The following ATXN3 variants were observed in gnomAD, a reference collection of about 807,000 sequenced individuals.
ATXN3 encodes the protein ataxin 3.
A neutral mutation model predicts 58.2 loss-of-function variants in ATXN3; 28 were observed. That is an observed-to-expected ratio of 0.48 (90% confidence interval 0.36 to 0.66). ATXN3 has a LOEUF of 0.66. ATXN3 is among the 30% of genes least tolerant of loss of function. The pLI, the probability that ATXN3 is intolerant of heterozygous loss-of-function variation, is 0.00. For synonymous variants in ATXN3, 113 were observed against 138.5 expected, an observed-to-expected ratio of 0.82 and a Z score of 1.29; for missense variants, 321 against 422.1, an observed-to-expected ratio of 0.76 and a Z score of 2.10.
chr14:92,045,739 T>C (rs1415600513), intron 2 of ATXN3, among the ~76,000 whole-genome samples: 3 of 152,158 alleles, frequency 2.0e-5, no homozygotes, highest in Non-Finnish European at 4.4e-5. Flanking sequence ...CAGAATAGAA[T>C]GGGCCTGTGA....
At chr14:92,049,375 G>C (rs866879663) in intron 1 of ATXN3, among the ~76,000 whole-genome samples, 4 of 152,342 alleles carry the variant, frequency 2.6e-5, no homozygotes, top group African/African-American at 4.8e-5. Context: ...CACCAATGGA[G>C]TGTGGGTGAA....
chr14:92,092,109 T>TCA lies in ATXN3; in HGVS notation c.387+1142_387+1143insTG, dbSNP rs1203791387. On this transcript the variant is annotated intron_variant, in intron 5 of 10. Transcript: ENST00000644486. The stretch of plus-strand genomic sequence containing the variant: ...CCCGTGCCTCTCTGTAACCCTCCCC[T>TCA]CTCACTCCTCCATAGCCTTCTCGTC... 3.3e-4 allele frequency among the ~76,000 whole-genome samples: 27 copies of TCA among 81,212 alleles called. No individual in the cohort carries two copies. The East Asian group carries it at 0.015, about 46-fold the overall frequency. The allele number at this position is 81,212 out of a possible 152,430, so 53.3% of individuals were successfully genotyped here.
chr14:92,078,860 A>G (rs2060908072), intron 9 of ATXN3, among the ~76,000 whole-genome samples: 2 of 152,164 alleles, frequency 1.3e-5, no homozygotes, highest in Admixed American at 1.3e-4. Flanking sequence ...TGCAGGTGGG[A>G]CAGTGGAAAG....
At chr14:92,056,609 G>A (rs1042086511), downstream of ATXN3, among the ~76,000 whole-genome samples, 1 of 152,110 alleles carries the variant, frequency 6.6e-6, no homozygotes, top group South Asian at 2.1e-4. Context: ...GGGAAGGGAG[G>A]AAGGATAGGG....
At chr14:92,093,374 T>C (rs909655838) in intron 4 of ATXN3, 56 bp from the exon 5 acceptor site, 22 of 842,144 alleles carry the variant, frequency 2.6e-5, no homozygotes, top group Middle Eastern at 6.7e-4. Flanking sequence ...ATTTATGTTG[T>C]CTACTGGCAA....
At chr14:92,083,015 C>A (rs2061743847) in intron 7 of ATXN3, 111 bp downstream of exon 7, 2 of 1,330,960 alleles carry the variant, frequency 1.5e-6, no homozygotes, top group Admixed American at 4.9e-5. Context: ...ATATAAGGTC[C>A]AAAATAGAGT....
intron 5 of ATXN3, among the ~76,000 whole-genome samples, chr14:92,092,266 G>C (rs1258145328): frequency 6.6e-6 from 1 of 152,092 alleles, no homozygotes; most frequent in Non-Finnish European, 1.5e-5. Context: ...TAATTATTTT[G>C]AGATTCATCC....
At chr14:92,093,658 C>T in intron 4 of ATXN3, 88 bp downstream of exon 4, 1 of 1,067,768 alleles carries the variant, frequency 9.4e-7, no homozygotes, top group Non-Finnish European at 1.4e-6. Flanking sequence ...CAAAAGTATT[C>T]AAAATGTATT....
chr14:92,061,673 CCTGA>C lies in ATXN3; in HGVS notation c.*2643_*2646del, dbSNP rs1294329314. 6.6e-6 allele frequency: 1 copy of C among 152,182 alleles called. No homozygotes were observed. The highest frequency in any genetic ancestry group is 1.5e-5 in the Non-Finnish European group (1 of 68,016). 9.4% of individuals were successfully genotyped at this position (152,182 alleles called of 1,614,324 possible). A position where few individuals can be genotyped will look rare whatever the true frequency, so the allele number is the denominator to read the frequency against. On this transcript the variant is annotated 3_prime_UTR_variant, in exon 11 of 11. Coordinates refer to ENST00000644486, the MANE Select transcript of ATXN3 (RefSeq NM_004993.6). ...GACAGTTCTTGTGAATTTAGTTGTT[CCTGA>C]CTTTCTTGCAGGTGGTTTACAGTAA...
chr14:92,079,463 TTG>T, intron 9 of ATXN3: 2 of 982,070 alleles, frequency 2.0e-6, no homozygotes, highest in Non-Finnish European at 2.4e-6. Context: ...TACTTCTGAG[TTG>T]TGACTTAAAA....
intron 8 of ATXN3, among the ~76,000 whole-genome samples, 157 bp downstream of exon 8, chr14:92,082,143 C>T (rs987408489): frequency 3.3e-5 from 5 of 152,118 alleles, no homozygotes; most frequent in Admixed American, 2.6e-4. Flanking sequence ...AAGTGATTTC[C>T]ATTATAAGAA....
chr14:92,053,439 C>T (rs182008689), upstream of ATXN3, among the ~76,000 whole-genome samples: 15 of 150,984 alleles, frequency 9.9e-5, no homozygotes, highest in African/African-American at 3.2e-4. Flanking sequence ...GAAGGTAACC[C>T]GAAAGAAAAG....
upstream of ATXN3, among the ~76,000 whole-genome samples, chr14:92,052,987 C>T (rs148180110): frequency 7.5e-3 from 1,148 of 152,268 alleles, 18 homozygotes; most frequent in African/African-American, 0.026. Flanking sequence ...CACAGTGGCT[C>T]ACGCCTGTAA....
intron 6 of ATXN3, among the ~76,000 whole-genome samples, chr14:92,084,987 T>C (rs1212947673): frequency 6.6e-6 from 1 of 152,148 alleles, no homozygotes; most frequent in East Asian, 1.9e-4. Flanking sequence ...AAATAGTATG[T>C]TGAACATTTT....
chr14:92,093,219 GA>G (rs1461489275), intron 5 of ATXN3, 32 bp downstream of exon 5: 5 of 1,425,136 alleles, frequency 3.5e-6, no homozygotes, highest in East Asian at 2.3e-5. Context: ...TACAATATAA[GA>G]AAAAAAGACA....
intron 10 of ATXN3, among the ~76,000 whole-genome samples, chr14:92,067,828 G>A (rs920118814): frequency 3.9e-5 from 6 of 152,322 alleles, no homozygotes; most frequent in East Asian, 3.8e-4. Context: ...GTGCCACCTC[G>A]CTACAACCAG....
intron 6 of ATXN3, among the ~76,000 whole-genome samples, chr14:92,085,093 AT>A (rs1419489465): frequency 6.6e-6 from 1 of 152,012 alleles, no homozygotes; most frequent in Non-Finnish European, 1.5e-5. Context: ...CCAGCTCACC[AT>A]GGTATTCTAT....
rs1428811774 is a variant in ATXN3 at position 92,096,760 on chromosome 14, A to C, written c.103T>G (p.Ser35Ala). ...TCCTCATCCAGCTGATGTGCAATTG[A>C]GGATAATTCCACAGGGCTAAAATAT... ...GEYFSPVELS[S>A]IAHQLDEEER... Residue 35 changes from serine to alanine, a missense_variant, in exon 2 of 11, where the codon TCA (serine) becomes GCA (alanine). Transcript: ENST00000644486. The C allele has an allele frequency of 6.2e-7, 1 of 1,613,498 alleles. No homozygotes were observed. Among genetic ancestry groups the C allele is most frequent in the Non-Finnish European group, 8.5e-7 (1 of 1,179,502 alleles).
At chr14:92,099,051 A>G (rs909688818) in intron 1 of ATXN3, among the ~76,000 whole-genome samples, 1 of 152,198 alleles carries the variant, frequency 6.6e-6, no homozygotes, top group Non-Finnish European at 1.5e-5. Context: ...AGATGGATGG[A>G]TCCCTCCCTG....
Sources: gnomAD v4.1 joint callset for allele counts (sites outside exome capture counted in the v4.1 genomes callset) on GRCh38, gnomAD v4.1.1 for gene constraint, MANE v1.5 for transcripts, NCBI Gene and HGNC (gene_info 2026-07-23, HGNC 2026-07-21) for gene names.